Variants in MAMDC2 observed in about 807,000 individuals in gnomAD.
MAMDC2 encodes MAM domain containing 2, also known as MAM domain-containing protein 2.
MAMDC2 carries 57 observed loss-of-function variants against 89.8 expected under a neutral mutation model. The observed-to-expected ratio is 0.63, with a 90% CI of 0.51 to 0.79. The LOEUF is 0.79. Ranked by LOEUF, MAMDC2 falls within the 30% of genes least tolerant of loss-of-function variation. The pLI is 0.00. For missense variants in MAMDC2, 800 were observed against 820.6 expected, an observed-to-expected ratio of 0.97 and a Z score of 0.31; for synonymous variants, 313 against 293.4, an observed-to-expected ratio of 1.07 and a Z score of -0.68.
chr9:70,057,356 A>T (rs1587430638), intron 2 of MAMDC2, among the ~76,000 whole-genome samples: 1 of 152,290 alleles, frequency 6.6e-6, no homozygotes, highest in Admixed American at 6.5e-5. Context: ...GTACGCTATT[A>T]TGCAGCTTTT....
At chr9:70,097,525 T>C (rs903884396) in intron 2 of MAMDC2, among the ~76,000 whole-genome samples, 4 of 152,214 alleles carry the variant, frequency 2.6e-5, no homozygotes, top group Non-Finnish European at 5.9e-5. Flanking sequence ...GCTCTATAAA[T>C]GCAGGCTTTC....
chr9:70,156,403 C>T (rs1211973785), intron 9 of MAMDC2, among the ~76,000 whole-genome samples: 11 of 152,094 alleles, frequency 7.2e-5, no homozygotes, highest in African/African-American at 1.7e-4. Flanking sequence ...AACAGCCAGA[C>T]ACCCTGCTAT....
At chr9:70,079,140 C>G (rs1055509731) in intron 2 of MAMDC2, 3 of 152,370 alleles carry the variant, frequency 2.0e-5, no homozygotes, top group African/African-American at 7.2e-5. Flanking sequence ...GGGTCACCAA[C>G]TCCTGGCCTC....
rs145982280 is a variant in MAMDC2, at chr9:70,186,921, G to T, written c.1651+16290G>T. ...GCAAAAACTCACTAATCATGAAGGG[G>T]ATGGCACCAAGCCATTCATGAGGGA... On this transcript the variant is annotated intron_variant, in intron 11 of 13. Coordinates refer to ENST00000377182, the MANE Select transcript of MAMDC2 (RefSeq NM_153267.5). 6.4e-4 allele frequency among the ~76,000 whole-genome samples: 97 copies of T among 152,224 alleles called. 1 individual carries two copies. The highest frequency in any genetic ancestry group is 2.2e-3 in the African/African-American group (92 of 41,548).
At chr9:70,136,448 G>A (rs2031015538) in intron 7 of MAMDC2, among the ~76,000 whole-genome samples, 1 of 152,160 alleles carries the variant, frequency 6.6e-6, no homozygotes, top group South Asian at 2.1e-4. Context: ...CCTACTGAAG[G>A]ACATAGCTTG....
intron 11 of MAMDC2, among the ~76,000 whole-genome samples, chr9:70,197,370 A>G (rs192825611): frequency 1.4e-4 from 22 of 152,280 alleles, no homozygotes; most frequent in African/African-American, 4.6e-4. Context: ...ACACGGCAAG[A>G]TAAGTTGGTG....
Position 70,169,274 on chromosome 9 carries a change from A to T in MAMDC2, c.1498+479A>T, listed in dbSNP as rs75044939. Among the ~76,000 whole-genome samples, 1,297 of 152,348 alleles carry T rather than the reference A, an allele frequency of 8.5e-3. 28 individuals are homozygous for T. Among genetic ancestry groups the T allele is most frequent in the South Asian group, 0.07 (336 of 4,826 alleles). ...CAGTGGAACAATAGACCAAGCAATG[A>T]TGATAGTAGCAAAATAAAGTCATGG... On this transcript the variant is annotated intron_variant, in intron 10 of 13. Transcript: ENST00000377182.
chr9:70,128,188 A>G (rs949369418), intron 6 of MAMDC2, among the ~76,000 whole-genome samples: 1 of 152,216 alleles, frequency 6.6e-6, no homozygotes, highest in Non-Finnish European at 1.5e-5. Flanking sequence ...GAAAACAAAC[A>G]TTGGAGACTG....
chr9:70,180,417 T>C (rs2032616333), intron 11 of MAMDC2, among the ~76,000 whole-genome samples: 1 of 152,222 alleles, frequency 6.6e-6, no homozygotes, highest in African/African-American at 2.4e-5. Context: ...TTTCTGGTTC[T>C]AGATCCTTGA....
At chr9:70,159,121 G>A (rs1394896959) in intron 9 of MAMDC2, among the ~76,000 whole-genome samples, 1 of 151,356 alleles carries the variant, frequency 6.6e-6, no homozygotes, top group Non-Finnish European at 1.5e-5. Context: ...AAGGAAATAA[G>A]GATTATCATG....
At chr9:70,087,552 T>G (rs1011852522) in intron 2 of MAMDC2, 7 of 151,586 alleles carry the variant, frequency 4.6e-5, no homozygotes, top group African/African-American at 1.7e-4. Context: ...AGCTGGCTCA[T>G]GCATGTATCC....
intron 6 of MAMDC2, among the ~76,000 whole-genome samples, chr9:70,130,802 A>AAC (rs2030773636): frequency 1.3e-5 from 2 of 151,098 alleles, no homozygotes; most frequent in South Asian, 4.3e-4. Flanking sequence ...AACAAAACAA[A>AAC]AAAACAAAAA....
chr9:70,044,178 A>G lies in MAMDC2; in HGVS notation c.-20A>G. The G allele has an allele frequency of 6.2e-7, 1 of 1,613,558 alleles. No individual in the cohort carries two copies. Among genetic ancestry groups the G allele is most frequent in the Non-Finnish European group, 8.5e-7 (1 of 1,179,872 alleles). On this transcript the variant is annotated 5_prime_UTR_variant, in exon 1 of 14. Coordinates refer to ENST00000377182, the MANE Select transcript of MAMDC2 (RefSeq NM_153267.5). ...TGGCAACTTGCACCCCTTCCTAGTCATCCTCCCTGAAACGCGACCATGCTG... is the reference window on the plus strand; with the variant it reads ...TGGCAACTTGCACCCCTTCCTAGTCGTCCTCCCTGAAACGCGACCATGCTG...
chr9:70,186,962 C>T (rs769845376), intron 11 of MAMDC2, among the ~76,000 whole-genome samples: 2 of 152,048 alleles, frequency 1.3e-5, no homozygotes, highest in Non-Finnish European at 2.9e-5. Flanking sequence ...TCCCATGACC[C>T]AAACATCTCC....
At chr9:70,191,217 G>GT (rs1403902998) in intron 11 of MAMDC2, among the ~76,000 whole-genome samples, 1 of 152,016 alleles carries the variant, frequency 6.6e-6, no homozygotes, top group African/African-American at 2.4e-5. Context: ...TATTGTGACA[G>GT]TTTTTTTGCA....
At chr9:70,094,219 A>G (rs761269883) in intron 2 of MAMDC2, among the ~76,000 whole-genome samples, 1 of 152,230 alleles carries the variant, frequency 6.6e-6, no homozygotes, top group African/African-American at 2.4e-5. Flanking sequence ...GTTGTCAGGG[A>G]GAACCAAAAT....
intron 9 of MAMDC2, among the ~76,000 whole-genome samples, chr9:70,158,848 A>G (rs1280039109): frequency 6.6e-6 from 1 of 151,382 alleles, no homozygotes; most frequent in Non-Finnish European, 1.5e-5. Context: ...TATTGTATTA[A>G]ATAATGGCAA....
At chr9:70,162,909 C>A (rs200103481) in intron 9 of MAMDC2, among the ~76,000 whole-genome samples, 331 of 140,778 alleles carry the variant, frequency 2.4e-3, no homozygotes, top group South Asian at 3.7e-3. Flanking sequence ...CCACCCCCCT[C>A]AAAAAAAAAA....
intron 7 of MAMDC2, among the ~76,000 whole-genome samples, chr9:70,133,335 TTG>T (rs1387322106): frequency 6.6e-6 from 1 of 152,034 alleles, no homozygotes; most frequent in Non-Finnish European, 1.5e-5. Flanking sequence ...AAAAGAGAAT[TTG>T]TGTGAGCTCT....
Sources: allele counts gnomAD v4.1 joint callset (sites outside exome capture counted in the v4.1 genomes callset), GRCh38; gene constraint gnomAD v4.1.1; transcripts MANE v1.5; gene names NCBI Gene and HGNC (gene_info 2026-07-23, HGNC 2026-07-21).